Variants in DIP2B observed in about 807,000 individuals in gnomAD.
DIP2B encodes DIP2 acetate--CoA ligase B (putative).
DIP2B carries 76 observed loss-of-function variants against 198.0 expected under a neutral mutation model. That is an observed-to-expected ratio of 0.38 (90% CI 0.32 to 0.46). The LOEUF (loss-of-function observed/expected upper bound fraction) is 0.46, where lower values mean the gene tolerates loss of function less well. DIP2B is among the 20% of genes least tolerant of loss of function. DIP2B has a pLI of 0.99. For synonymous variants in DIP2B, 701 were observed against 739.1 expected, an observed-to-expected ratio of 0.95 and a Z score of 0.84; for missense variants, 1,559 against 1,978.4, an observed-to-expected ratio of 0.79 and a Z score of 4.02.
rs1940345777 is a variant in DIP2B, at chr12:50,746,690, TG to T, written c.*1855del. ...ATGGATAGAAAAAAAGCACTTACATTGGGGCACACAGGAAATCCCAGTGTCT... is the reference window on the plus strand; with the variant it reads ...ATGGATAGAAAAAAAGCACTTACATTGGGCACACAGGAAATCCCAGTGTCT... On this transcript the variant is annotated 3_prime_UTR_variant, in exon 38 of 38. Transcript: ENST00000301180. The T allele has an allele frequency of 6.6e-6, 1 of 152,204 alleles. No homozygotes were observed. Among genetic ancestry groups the T allele is most frequent in the Non-Finnish European group, 1.5e-5 (1 of 68,042 alleles). The allele number at this position is 152,204 out of a possible 1,614,324, so 9.4% of individuals were successfully genotyped here.
At chr12:50,633,660 G>C (rs1209310463) in intron 2 of DIP2B, among the ~76,000 whole-genome samples, 1 of 152,174 alleles carries the variant, frequency 6.6e-6, no homozygotes, top group African/African-American at 2.4e-5. Context: ...CAGCTACTCA[G>C]GAGGCTGAGG....
chr12:50,745,059 A>AT lies in DIP2B; in HGVS notation c.*221dup. On this transcript the variant is annotated 3_prime_UTR_variant, in exon 38 of 38. Transcript: ENST00000301180. ...ACATTTGGTAGACATGTGCTTTGAC[A>AT]TAGCGTGAGCAGCACATTACTAAAG... is the stretch of plus-strand genomic sequence containing the variant. The AT allele has an allele frequency of 1.7e-6, 1 of 597,304 alleles. No homozygotes were observed. The highest frequency in any genetic ancestry group is 2.1e-5 in the South Asian group (1 of 46,888). 37.0% of individuals were successfully genotyped at this position (597,304 alleles called of 1,614,324 possible).
At chr12:50,630,920 C>T (rs1938038910) in intron 2 of DIP2B, among the ~76,000 whole-genome samples, 2 of 152,088 alleles carry the variant, frequency 1.3e-5, no homozygotes, top group Admixed American at 6.5e-5. Flanking sequence ...ATCCACCCAC[C>T]TCGGCCTCCC....
chr12:50,638,122 G>A (rs377058385), intron 2 of DIP2B, among the ~76,000 whole-genome samples: 9 of 152,142 alleles, frequency 5.9e-5, no homozygotes, highest in East Asian at 1.9e-4. Context: ...AGAAACCCCC[G>A]AACTGAAGCT....
At chr12:50,706,447 A>T (rs1592136492) in intron 20 of DIP2B, 91 bp from the exon 21 acceptor site, 1 of 1,468,474 alleles carries the variant, frequency 6.8e-7, no homozygotes, top group Non-Finnish European at 9.3e-7. Context: ...AATACTTTTT[A>T]AATGAGATTT....
At chr12:50,624,035 A>C (rs1593664826) in intron 1 of DIP2B, among the ~76,000 whole-genome samples, 1 of 152,366 alleles carries the variant, frequency 6.6e-6, no homozygotes, top group Middle Eastern at 3.4e-3. Context: ...AGTAGAGCAC[A>C]GGATACTCTT....
intron 30 of DIP2B, among the ~76,000 whole-genome samples, chr12:50,730,472 C>T (rs115506657): frequency 0.07 from 10,626 of 150,878 alleles, 744 homozygotes; most frequent in East Asian, 0.32. Flanking sequence ...TGCAGCCTCT[C>T]GGGCTCAAGT....
At chr12:50,702,758 A>AAAAT (rs1939443674) in intron 19 of DIP2B, among the ~76,000 whole-genome samples, 1 of 137,436 alleles carries the variant, frequency 7.3e-6, no homozygotes, top group Non-Finnish European at 1.6e-5. Flanking sequence ...AAAAAAAAAA[A>AAAAT]GGAGGGGTGG....
intron 1 of DIP2B, among the ~76,000 whole-genome samples, chr12:50,596,391 C>T (rs1383922398): frequency 6.6e-6 from 1 of 152,112 alleles, no homozygotes; most frequent in African/African-American, 2.4e-5. Context: ...CGTTAATATC[C>T]ATAGCCAGTC....
intron 1 of DIP2B, among the ~76,000 whole-genome samples, chr12:50,602,117 G>A (rs995609555): frequency 2.0e-5 from 3 of 152,310 alleles, no homozygotes; most frequent in East Asian, 3.9e-4. Context: ...GTATATTAAT[G>A]TACTGAAGTA....
chr12:50,528,751 A>G (rs1268477200), intron 1 of DIP2B, among the ~76,000 whole-genome samples: 4 of 152,248 alleles, frequency 2.6e-5, no homozygotes, highest in African/African-American at 7.2e-5. Context: ...GAAAGCTTGC[A>G]GAGGCGACTG....
intron 2 of DIP2B, among the ~76,000 whole-genome samples, chr12:50,638,054 A>G (rs936589682): frequency 2.0e-5 from 3 of 152,202 alleles, no homozygotes; most frequent in East Asian, 1.9e-4. Flanking sequence ...TAACATCATC[A>G]CTATTTAAAC....
chr12:50,737,428 T>C (rs924388693), intron 35 of DIP2B, among the ~76,000 whole-genome samples: 2 of 152,194 alleles, frequency 1.3e-5, no homozygotes, highest in Admixed American at 6.5e-5. Context: ...TACTTACAAA[T>C]TTTTAAGGTC....
intron 22 of DIP2B, among the ~76,000 whole-genome samples, chr12:50,713,007 G>A (rs1410275800): frequency 6.6e-6 from 1 of 152,204 alleles, no homozygotes; most frequent in Non-Finnish European, 1.5e-5. Flanking sequence ...CTTTGATGTA[G>A]AGAAGTGTGA....
In DIP2B at chr12:50,706,725, A is replaced by G. The variant is rs1378764058; in HGVS notation, c.2534+60A>G. ...TAATGGAATCTAAATACATCTTCAC[A>G]TGGTGATTTCAGTGGTATTTTGTAG... On this transcript the variant is annotated intron_variant, in intron 21 of 37. Transcript: ENST00000301180. 5 of 1,576,376 alleles carry G rather than the reference A, an allele frequency of 3.2e-6. No individual in the cohort carries two copies. In the African/African-American group the frequency reaches 4.0e-5, roughly 13 times the overall value.
intron 37 of DIP2B, 80 bp from the exon 38 acceptor site, chr12:50,744,507 G>T (rs932738314): frequency 1.3e-6 from 2 of 1,570,926 alleles, no homozygotes; most frequent in Admixed American, 1.7e-5. Flanking sequence ...GCGGGGAAAT[G>T]GGCTAAGTCT....
chr12:50,603,614 C>T (rs910802062), intron 1 of DIP2B, among the ~76,000 whole-genome samples: 2 of 151,744 alleles, frequency 1.3e-5, no homozygotes, highest in African/African-American at 2.4e-5. Flanking sequence ...TCCAGCTACT[C>T]GGGAGGGTGA....
intron 1 of DIP2B, 150 bp from the exon 2 acceptor site, chr12:50,625,826 A>C (rs1937922107): frequency 1.3e-6 from 1 of 763,480 alleles, no homozygotes; most frequent in African/African-American, 1.8e-5. Context: ...TACATAGCAA[A>C]ATCCTTGGCA....
At position 50,698,313 on chromosome 12, in the gene DIP2B, G is replaced by A; in HGVS notation, c.2049-15G>A. 6.2e-7 allele frequency: 1 copy of A among 1,603,368 alleles called. No homozygotes were observed. The highest frequency in any genetic ancestry group is 1.7e-5 in the Admixed American group (1 of 57,754). On this transcript the variant is annotated splice_polypyrimidine_tract_variant and intron_variant, in intron 17 of 37. Coordinates refer to ENST00000301180, the MANE Select transcript of DIP2B (RefSeq NM_173602.3). ...GTTATTTCATTCACCAAACTTGATG[G>A]GTTCTTCTTTTCAGGCCTGGAGTTC...
Sources: gnomAD v4.1 joint callset for allele counts (sites outside exome capture counted in the v4.1 genomes callset) on GRCh38, gnomAD v4.1.1 for gene constraint, MANE v1.5 for transcripts, NCBI Gene and HGNC (gene_info 2026-07-23, HGNC 2026-07-21) for gene names.